Variants in ZFHX3 observed in about 807,000 individuals in gnomAD.
The protein encoded by ZFHX3 is zinc finger homeobox 3.
ZFHX3 carries 42 observed loss-of-function variants against 279.1 expected under a neutral mutation model. The ratio of observed to expected loss-of-function variants is 0.15; its 90% CI spans 0.12 to 0.19. The LOEUF is 0.19. Among genes scored for constraint, ZFHX3 ranks in the 10% least tolerant of loss-of-function variants. The probability of loss-of-function intolerance (pLI) is 1.00; values close to 1 mark genes in which losing one functional copy is unlikely to be tolerated. For synonymous variants in ZFHX3, 2,293 were observed against 1,957.8 expected (o/e 1.17, Z -4.52); for missense variants, 4,981 against 4,754.0 (o/e 1.05, Z -1.40).
intron 2 of ZFHX3, among the ~76,000 whole-genome samples, chr16:73,553,264 C>T (rs1036317745): frequency 3.3e-5 from 5 of 151,588 alleles, no homozygotes; most frequent in Admixed American, 3.3e-4. Flanking sequence ...TTGGATTTCA[C>T]CTTAATCTCA....
intron 2 of ZFHX3, among the ~76,000 whole-genome samples, chr16:73,494,726 A>ATT: frequency 6.8e-6 from 1 of 146,986 alleles, no homozygotes; most frequent in Non-Finnish European, 1.5e-5. Context: ...TGACCGGCTA[A>ATT]TTTTTTTTTT....
At chr16:73,220,154 A>G (rs181384700) in intron 5 of ZFHX3, among the ~76,000 whole-genome samples, 1 of 152,244 alleles carries the variant, frequency 6.6e-6, no homozygotes, top group East Asian at 1.9e-4. Context: ...GTATACATAG[A>G]CATAAAGATG....
chr16:73,543,363 G>A (rs149064853), intron 2 of ZFHX3, among the ~76,000 whole-genome samples: 1 of 152,276 alleles, frequency 6.6e-6, no homozygotes, highest in East Asian at 1.9e-4. Flanking sequence ...ACAATTATAT[G>A]GAACGCCTTC....
At chr16:73,422,180 CA>C (rs1280437425) in intron 3 of ZFHX3, among the ~76,000 whole-genome samples, 1 of 147,068 alleles carries the variant, frequency 6.8e-6, no homozygotes, top group Non-Finnish European at 1.5e-5. Flanking sequence ...GGAAATAAAA[CA>C]GGATGTTTTC....
intron 2 of ZFHX3, among the ~76,000 whole-genome samples, chr16:73,674,392 A>T (rs891421718): frequency 6.6e-6 from 1 of 152,244 alleles, no homozygotes; most frequent in Non-Finnish European, 1.5e-5. Context: ...ACAGTGTGAC[A>T]TTTCAGGAAG....
chr16:73,890,690 T>A (rs902148993), intron 1 of ZFHX3, among the ~76,000 whole-genome samples: 1 of 152,192 alleles, frequency 6.6e-6, no homozygotes, highest in African/African-American at 2.4e-5. Context: ...TCATCTTCTC[T>A]TTCCTGTACG....
intron 1 of ZFHX3, among the ~76,000 whole-genome samples, chr16:73,036,162 TCTCTA>T (rs1964895280): frequency 6.6e-6 from 1 of 152,146 alleles, no homozygotes; most frequent in South Asian, 2.1e-4. Context: ...TCTCTCTCTC[TCTCTA>T]CAACTGGGGA....
In ZFHX3 at chr16:73,493,935, C is replaced by T. The variant is rs80131439; in HGVS notation, c.-1546-37677G>A. On this transcript the variant is annotated intron_variant, in intron 2 of 17. Coordinates refer to the ZFHX3 transcript ENST00000641206. ...AAAGTTGTATCAAGTGCACCCTAGA[C>T]TGAAGAAGCCATGTGGCTTTTGAAA... Among the ~76,000 whole-genome samples, 205 of 152,256 alleles carry T rather than the reference C, an allele frequency of 1.3e-3. 1 individual carries two copies. In the East Asian group the frequency reaches 0.027, roughly 20 times the overall value.
chr16:73,886,533 C>T (rs150786351), intron 1 of ZFHX3, among the ~76,000 whole-genome samples: 11 of 152,194 alleles, frequency 7.2e-5, no homozygotes, highest in African/African-American at 2.2e-4. Flanking sequence ...TCCATCATGC[C>T]GAGGAGAAAA....
intron 2 of ZFHX3, among the ~76,000 whole-genome samples, chr16:73,642,864 A>G (rs186646858): frequency 2.6e-5 from 4 of 152,320 alleles, no homozygotes; most frequent in Non-Finnish European, 5.9e-5. Context: ...CGGCAGACCC[A>G]AAATGAACGT....
intron 3 of ZFHX3, among the ~76,000 whole-genome samples, chr16:73,406,663 C>T (rs367893029): frequency 7.9e-5 from 12 of 152,180 alleles, no homozygotes; most frequent in Non-Finnish European, 1.3e-4. Flanking sequence ...AAAATACTCT[C>T]CTGCCCAAAT....
At chr16:73,290,343 C>T (rs767486311) in intron 4 of ZFHX3, among the ~76,000 whole-genome samples, 5 of 151,906 alleles carry the variant, frequency 3.3e-5, no homozygotes, top group Admixed American at 6.5e-5. Flanking sequence ...AAAGCCCCCT[C>T]GAAAAAAACA....
chr16:73,421,867 T>TA (rs1336684909), intron 3 of ZFHX3, among the ~76,000 whole-genome samples: 1 of 152,118 alleles, frequency 6.6e-6, no homozygotes, highest in Non-Finnish European at 1.5e-5. Context: ...CCTTGACTTA[T>TA]AATGAGGGAA....
intron 4 of ZFHX3, among the ~76,000 whole-genome samples, chr16:72,845,981 A>C (rs983559734): frequency 1.2e-4 from 19 of 152,310 alleles, no homozygotes; most frequent in African/African-American, 4.3e-4. Flanking sequence ...TGGCCTTCAC[A>C]GGAGAACACA....
intron 1 of ZFHX3, among the ~76,000 whole-genome samples, chr16:73,803,497 AC>A (rs1960193454): frequency 6.6e-6 from 1 of 152,238 alleles, no homozygotes; most frequent in African/African-American, 2.4e-5. Context: ...AAATTCACTT[AC>A]CCTTTGACAT....
At chr16:73,661,521 G>C (rs1311140117) in intron 2 of ZFHX3, among the ~76,000 whole-genome samples, 5 of 152,098 alleles carry the variant, frequency 3.3e-5, no homozygotes, top group African/African-American at 1.2e-4. Flanking sequence ...GGAAGTTTGA[G>C]ACCATCCTGC....
At chr16:73,176,744 C>T (rs1442930919) in intron 5 of ZFHX3, among the ~76,000 whole-genome samples, 1 of 151,548 alleles carries the variant, frequency 6.6e-6, no homozygotes, top group Non-Finnish European at 1.5e-5. Flanking sequence ...GTAGGCTAGA[C>T]AAGAGCTAAG....
At chr16:73,574,440 T>A (rs754833462) in intron 2 of ZFHX3, among the ~76,000 whole-genome samples, 1 of 152,116 alleles carries the variant, frequency 6.6e-6, no homozygotes, top group African/African-American at 2.4e-5. Flanking sequence ...GCCTAGGGGA[T>A]TTTTATTTGC....
At chr16:73,532,266 G>A in intron 2 of ZFHX3, among the ~76,000 whole-genome samples, 1 of 152,066 alleles carries the variant, frequency 6.6e-6, no homozygotes, top group East Asian at 1.9e-4. Flanking sequence ...TCTCATTGTA[G>A]TGAATAAGTC....
Sources: allele counts gnomAD v4.1 joint callset (sites outside exome capture counted in the v4.1 genomes callset), GRCh38; gene constraint gnomAD v4.1.1; transcripts MANE v1.5; gene names NCBI Gene and HGNC (gene_info 2026-07-23, HGNC 2026-07-21).